FAM13A: variants seen among roughly 807,000 people sequenced by gnomAD.
FAM13A encodes protein FAM13A.
FAM13A carries 76 observed loss-of-function variants against 129.6 expected under a neutral mutation model. The ratio of observed to expected loss-of-function variants is 0.59; its 90% CI spans 0.49 to 0.71. The LOEUF (loss-of-function observed/expected upper bound fraction) is 0.71, where lower values mean the gene tolerates loss of function less well. Among genes scored for constraint, FAM13A ranks in the 30% least tolerant of loss-of-function variants. FAM13A has a pLI of 0.00. For synonymous variants in FAM13A, 443 were observed against 449.9 expected (o/e 0.98, Z 0.20); for missense variants, 1,108 against 1,249.3 (o/e 0.89, Z 1.70).
intron 3 of FAM13A, among the ~76,000 whole-genome samples, chr4:88,994,711 A>T (rs1763317096): frequency 6.6e-6 from 1 of 152,092 alleles, no homozygotes; most frequent in Non-Finnish European, 1.5e-5. Context: ...ATGGTGGCAC[A>T]TGCCTGTAGT....
At chr4:88,880,962 CG>C (rs1427194791) in intron 6 of FAM13A, among the ~76,000 whole-genome samples, 1 of 152,076 alleles carries the variant, frequency 6.6e-6, no homozygotes, top group Non-Finnish European at 1.5e-5. Context: ...CCCCTATCCC[CG>C]ACAGCAGCCA....
chr4:88,812,800 A>C (rs1256241537), intron 7 of FAM13A, among the ~76,000 whole-genome samples: 1 of 152,240 alleles, frequency 6.6e-6, no homozygotes, highest in Non-Finnish European at 1.5e-5. Context: ...GCATGTGCTT[A>C]GTAAATGGCT....
chr4:89,025,191 C>T (rs575868507), intron 2 of FAM13A, among the ~76,000 whole-genome samples: 1 of 148,542 alleles, frequency 6.7e-6, no homozygotes, highest in Non-Finnish European at 1.5e-5. Context: ...AGTCTATGCA[C>T]ACACTTGTAT....
intron 11 of FAM13A, among the ~76,000 whole-genome samples, chr4:88,776,633 C>G (rs574997751): frequency 1.3e-5 from 2 of 152,064 alleles, no homozygotes; most frequent in African/African-American, 4.8e-5. Flanking sequence ...TTATAAATAG[C>G]CTTGTGGTGA....
At chr4:88,866,213 A>C (rs1740411363) in intron 6 of FAM13A, among the ~76,000 whole-genome samples, 1 of 151,966 alleles carries the variant, frequency 6.6e-6, no homozygotes, top group African/African-American at 2.4e-5. Flanking sequence ...TGGCCCAGCT[A>C]ATTTTTGTAT....
At chr4:89,051,029 T>C (rs1303456995) in intron 1 of FAM13A, among the ~76,000 whole-genome samples, 2 of 152,100 alleles carry the variant, frequency 1.3e-5, no homozygotes, top group African/African-American at 2.4e-5. Context: ...TTCTACTAAA[T>C]AGAGAACAAG....
chr4:88,944,957 A>C (rs904540949), intron 4 of FAM13A, among the ~76,000 whole-genome samples: 1 of 152,088 alleles, frequency 6.6e-6, no homozygotes, highest in Non-Finnish European at 1.5e-5. Context: ...CTACTAAAGC[A>C]AATGTAAAAG....
chr4:88,781,343 A>G lies in FAM13A; in HGVS notation c.1280T>C (p.Ile427Thr), dbSNP rs1476341586. 4.4e-6 allele frequency: 7 copies of G among 1,600,846 alleles called. No individual in the cohort carries two copies. The highest frequency in any genetic ancestry group is 1.7e-5 in the Admixed American group (1 of 57,966). Residue 427 changes from isoleucine (I) to threonine (T), a missense_variant, in exon 11 of 24, where the codon ATC (isoleucine) becomes ACC (threonine). Around this residue, in one of 3 missense-constraint regions of FAM13A, gnomAD observed 566 missense variants for 595.7 expected, o/e 0.95. Transcript: ENST00000264344. The part of the protein sequence containing the change: ...EVRHGRDKGL[I>T]NKENTPSGFN... The stretch of plus-strand genomic sequence containing the variant: ...CCCAGAAGGAGTATTTTCTTTGTTG[A>G]TAAGTCCCCTTGAATTGAGAAAAAA...
chr4:88,884,898 T>C (rs1043441030), intron 6 of FAM13A, among the ~76,000 whole-genome samples: 6 of 152,018 alleles, frequency 3.9e-5, no homozygotes, highest in Admixed American at 6.6e-5. Context: ...CCTTTTAGAA[T>C]AGCTGTAAAA....
At chr4:88,932,606 C>T (rs1753212303) in intron 5 of FAM13A, among the ~76,000 whole-genome samples, 1 of 152,092 alleles carries the variant, frequency 6.6e-6, no homozygotes, top group African/African-American at 2.4e-5. Flanking sequence ...AAAATGGAGA[C>T]ACATGCAATG....
At chr4:88,934,549 G>A (rs568991315) in intron 5 of FAM13A, among the ~76,000 whole-genome samples, 8 of 152,262 alleles carry the variant, frequency 5.3e-5, no homozygotes, top group Middle Eastern at 6.8e-3. Context: ...AACACCTTCT[G>A]AAGAGAAAAT....
At chr4:88,978,901 A>T (rs1261405550) in intron 4 of FAM13A, among the ~76,000 whole-genome samples, 1 of 152,242 alleles carries the variant, frequency 6.6e-6, no homozygotes, top group Non-Finnish European at 1.5e-5. Flanking sequence ...AAAATAAATC[A>T]TAAGCTCAGA....
At chr4:89,052,435 A>G (rs1771729935) in intron 1 of FAM13A, among the ~76,000 whole-genome samples, 2 of 148,488 alleles carry the variant, frequency 1.3e-5, no homozygotes, top group African/African-American at 4.9e-5. Flanking sequence ...CATTAGGTAT[A>G]TCTCCTAAAG....
chr4:88,793,924 G>T (rs1725672799), intron 8 of FAM13A, among the ~76,000 whole-genome samples: 1 of 151,864 alleles, frequency 6.6e-6, no homozygotes, highest in Admixed American at 6.6e-5. Flanking sequence ...AAATTTTAAA[G>T]AATATTTAAC....
chr4:88,881,819 G>C (rs2199065), intron 6 of FAM13A, among the ~76,000 whole-genome samples: 85,300 of 151,904 alleles, frequency 0.56, 24,952 homozygotes, highest in East Asian at 0.81. Context: ...GACACACTTA[G>C]AGAAATGTAA....
At chr4:89,019,761 C>CAAAA (rs61682568) in intron 3 of FAM13A, among the ~76,000 whole-genome samples, 31 of 57,694 alleles carry the variant, frequency 5.4e-4, no homozygotes, top group Non-Finnish European at 7.8e-4. Flanking sequence ...AACTACATCT[C>CAAAA]AAAAAAAAAA....
intron 16 of FAM13A, 45 bp downstream of exon 16, chr4:88,749,726 C>T (rs772252853): frequency 8.1e-6 from 13 of 1,599,794 alleles, no homozygotes; most frequent in Non-Finnish European, 1.0e-5. Flanking sequence ...CTGCCATGTC[C>T]AGGGAGAGGA....
intron 3 of FAM13A, among the ~76,000 whole-genome samples, chr4:89,018,854 C>T (rs1357230743): frequency 1.3e-5 from 2 of 152,224 alleles, no homozygotes; most frequent in Admixed American, 1.3e-4. Context: ...CCCTGGGTGG[C>T]AGCACAAGAA....
intron 7 of FAM13A, among the ~76,000 whole-genome samples, chr4:88,819,748 A>C (rs1357984673): frequency 6.6e-6 from 1 of 152,212 alleles, no homozygotes; most frequent in Non-Finnish European, 1.5e-5. Context: ...CGATGCTAAG[A>C]ATATCCATAT....
Sources: allele counts gnomAD v4.1 joint callset (sites outside exome capture counted in the v4.1 genomes callset), GRCh38; gene constraint gnomAD v4.1.1; regional missense constraint gnomAD v4.1.1; transcripts MANE v1.5; gene names NCBI Gene and HGNC (gene_info 2026-07-23, HGNC 2026-07-21).